Variants in TENM3 observed in about 807,000 individuals in gnomAD.
TENM3 encodes teneurin-3.
Under a neutral mutation model 255.1 loss-of-function variants are expected in TENM3, and 63 were observed. The ratio of observed to expected loss-of-function variants is 0.25; its 90% confidence interval spans 0.20 to 0.30. TENM3 has a LOEUF of 0.30. Among genes scored for constraint, TENM3 ranks in the 10% least tolerant of loss-of-function variants. TENM3 has a pLI of 1.00. For missense variants in TENM3, 2,929 were observed against 3,461.1 expected (o/e 0.85, Z 3.86); for synonymous variants, 1,306 against 1,322.3 (o/e 0.99, Z 0.27).
intron 20 of TENM3, among the ~76,000 whole-genome samples, chr4:182,752,458 G>A (rs1289923279): frequency 6.6e-6 from 1 of 152,114 alleles, no homozygotes; most frequent in East Asian, 1.9e-4. Context: ...CCTCTTTGGA[G>A]AGCTGTGAAA....
intron 3 of TENM3, among the ~76,000 whole-genome samples, chr4:182,541,293 A>G (rs1740855395): frequency 6.6e-6 from 1 of 152,248 alleles, no homozygotes; most frequent in Admixed American, 6.5e-5. Flanking sequence ...ATCCTAAGCC[A>G]TAGAAAGTGA....
intron 1 of TENM3, among the ~76,000 whole-genome samples, chr4:182,188,576 G>C (rs1259472919): frequency 6.6e-6 from 1 of 152,154 alleles, no homozygotes; most frequent in African/African-American, 2.4e-5. Context: ...ATTGAAGTTG[G>C]TCTTTTGAAG....
chr4:182,330,664 G>A (rs1029023433), intron 2 of TENM3, among the ~76,000 whole-genome samples: 1 of 152,192 alleles, frequency 6.6e-6, no homozygotes, highest in Non-Finnish European at 1.5e-5. Context: ...CGTCAACAGT[G>A]TACACACACC....
the TENM3 span, among the ~76,000 whole-genome samples, chr4:181,471,345 A>C: frequency 6.6e-6 from 1 of 152,186 alleles, no homozygotes; most frequent in Non-Finnish European, 1.5e-5. Flanking sequence ...GGAGATTATC[A>C]CATTTCTAGT....
chr4:182,628,915 T>A, intron 5 of TENM3, 26 bp downstream of exon 5: 1 of 1,355,662 alleles, frequency 7.4e-7, no homozygotes, highest in South Asian at 1.3e-5. Flanking sequence ...TAGAATTACT[T>A]TGTCTGTAAA....
chr4:182,102,907 T>A, the TENM3 span, among the ~76,000 whole-genome samples: 2 of 152,186 alleles, frequency 1.3e-5, no homozygotes, highest in East Asian at 3.9e-4. Context: ...AAGTGCTCAA[T>A]AAATGTTCCC....
chr4:182,530,172 G>A (rs1739625983), intron 3 of TENM3, among the ~76,000 whole-genome samples: 2 of 152,002 alleles, frequency 1.3e-5, no homozygotes, highest in Admixed American at 1.3e-4. Flanking sequence ...AATTTTTTTG[G>A]AACATGAGGA....
chr4:181,918,841 A>G, the TENM3 span, among the ~76,000 whole-genome samples: 1 of 152,212 alleles, frequency 6.6e-6, no homozygotes, highest in Non-Finnish European at 1.5e-5. Context: ...AAAGTATCAG[A>G]AATGGACCCT....
chr4:182,179,088 C>T (rs774667555), intron 1 of TENM3, among the ~76,000 whole-genome samples: 14 of 152,128 alleles, frequency 9.2e-5, no homozygotes, highest in Non-Finnish European at 1.6e-4. Context: ...TAAAATAAAC[C>T]GTAAAAATTG....
chr4:182,703,016 G>A (rs6552595), intron 12 of TENM3, among the ~76,000 whole-genome samples: 29,569 of 152,128 alleles, frequency 0.19, 2,998 homozygotes, highest in Middle Eastern at 0.23. Context: ...GATTACAGGC[G>A]TGAGCCACCG....
chr4:182,294,349 ACAG>A (rs1761330259), intron 1 of TENM3, among the ~76,000 whole-genome samples: 1 of 152,166 alleles, frequency 6.6e-6, no homozygotes, highest in Non-Finnish European at 1.5e-5. Context: ...GGGCCACCCC[ACAG>A]CAGCAACTGT....
chr4:182,287,991 G>T (rs1301148481), intron 1 of TENM3, among the ~76,000 whole-genome samples: 2 of 151,854 alleles, frequency 1.3e-5, no homozygotes, highest in African/African-American at 4.8e-5. Flanking sequence ...AGGCTGGAGT[G>T]CAATGGCACG....
chr4:182,161,808 T>TATATATGTATATATATACAC (rs1751300001), intron 1 of TENM3, among the ~76,000 whole-genome samples: 1 of 33,556 alleles, frequency 3.0e-5, no homozygotes, highest in African/African-American at 1.0e-4. Context: ...TATATACACA[T>TATATATGTATATATATACAC]ATATATGTAT....
At chr4:181,968,343 A>C in the TENM3 span, among the ~76,000 whole-genome samples, 1 of 152,210 alleles carries the variant, frequency 6.6e-6, no homozygotes, top group Non-Finnish European at 1.5e-5. Context: ...AAGGCAGGAC[A>C]TGTAAGTTCA....
the TENM3 span, among the ~76,000 whole-genome samples, chr4:181,871,084 A>ATTTTTTT: frequency 6.6e-6 from 1 of 152,008 alleles, no homozygotes; most frequent in African/African-American, 2.4e-5. Context: ...ATATGTGTCT[A>ATTTTTTT]TTTCTGAACT....
the TENM3 span, among the ~76,000 whole-genome samples, chr4:181,768,126 G>T: frequency 2.6e-5 from 4 of 152,234 alleles, no homozygotes; most frequent in East Asian, 5.8e-4. Flanking sequence ...GCAGAGTTTT[G>T]GATAAAGGAC....
At chr4:181,536,622 A>C in the TENM3 span, among the ~76,000 whole-genome samples, 2 of 152,228 alleles carry the variant, frequency 1.3e-5, no homozygotes, top group Non-Finnish European at 1.5e-5. Flanking sequence ...GGAAGTGGTC[A>C]ATTTCTTTAT....
rs1334051431 is a variant in TENM3 at position 182,802,111 on chromosome 4, G to C, written c.*1760G>C. Reference sequence around the variant, plus strand: ...ATCACATACTCTAAATTGCACAGTAGGCGTGTTTATTAAACAGATGATTGG... The same window carrying C: ...ATCACATACTCTAAATTGCACAGTACGCGTGTTTATTAAACAGATGATTGG... On this transcript the variant is annotated 3_prime_UTR_variant, in exon 28 of 28. Transcript: ENST00000511685. The C allele has an allele frequency of 6.6e-6, 1 of 152,572 alleles. No homozygotes were observed. The highest frequency in any genetic ancestry group is 2.4e-5 in the African/African-American group (1 of 41,430). The allele number at this position is 152,572 out of a possible 1,614,324, so 9.5% of individuals were successfully genotyped here. A position where few individuals can be genotyped will look rare whatever the true frequency, so the allele number is the denominator to read the frequency against.
chr4:181,665,047 A>C, the TENM3 span, among the ~76,000 whole-genome samples: 1 of 152,144 alleles, frequency 6.6e-6, no homozygotes, highest in Non-Finnish European at 1.5e-5. Flanking sequence ...TCTTATTCTA[A>C]TCTCACTAAA....
Sources: gnomAD v4.1 joint callset for allele counts (sites outside exome capture counted in the v4.1 genomes callset) on GRCh38, gnomAD v4.1.1 for gene constraint, MANE v1.5 for transcripts, NCBI Gene and HGNC (gene_info 2026-07-23, HGNC 2026-07-21) for gene names.